The following RIMBP2 variants were observed in gnomAD, a reference collection of about 807,000 sequenced individuals.
The protein encoded by RIMBP2 is RIMS binding protein 2, also known as RIMS-binding protein 2.
A neutral mutation model predicts 118.6 loss-of-function variants in RIMBP2; 48 were observed. The ratio of observed to expected loss-of-function variants is 0.40; its 90% CI spans 0.32 to 0.51. The LOEUF (loss-of-function observed/expected upper bound fraction) is 0.51, where lower values mean the gene tolerates loss of function less well. Ranked by LOEUF, RIMBP2 falls within the 20% of genes least tolerant of loss-of-function variation. The probability of loss-of-function intolerance (pLI) is 0.41; values close to 1 mark genes in which losing one functional copy is unlikely to be tolerated. For missense variants in RIMBP2, 1,551 were observed against 1,768.3 expected (o/e 0.88, Z 2.20); for synonymous variants, 762 against 742.9 (o/e 1.03, Z -0.42).
chr12:130,693,708 G>A (rs892977398), intron 1 of RIMBP2, among the ~76,000 whole-genome samples: 1 of 152,226 alleles, frequency 6.6e-6, no homozygotes, highest in African/African-American at 2.4e-5. Flanking sequence ...AGATTCTGGT[G>A]CAGACTAGGG....
intron 4 of RIMBP2, among the ~76,000 whole-genome samples, chr12:130,503,786 C>T (rs771256726): frequency 6.6e-6 from 1 of 152,182 alleles, no homozygotes; most frequent in Non-Finnish European, 1.5e-5. Context: ...AACTCGGAGC[C>T]AAATGAGAAT....
intron 2 of RIMBP2, among the ~76,000 whole-genome samples, chr12:130,533,932 G>A (rs1210239489): frequency 2.0e-5 from 3 of 151,992 alleles, no homozygotes; most frequent in African/African-American, 7.3e-5. Context: ...TTGGGAGGCT[G>A]AGGCAGGCAG....
At position 130,450,640 on chromosome 12, in the gene RIMBP2, C is replaced by CA. The variant is rs1248413162; in HGVS notation, c.505-365_505-364insT. ...AATTAAGCAGTATGTGCACGACCCC[C>CA]CAGTGATCCCACTCTCACTCCCCCT... On this transcript the variant is annotated intron_variant, in intron 8 of 22. Coordinates refer to ENST00000690449, the MANE Select transcript of RIMBP2 (RefSeq NM_001393629.1). The surrounding 1 kb of genome is among the most constrained non-coding windows in gnomAD (Gnocchi z 4.8). Among the ~76,000 whole-genome samples, 2 of 151,574 alleles carry CA rather than the reference C, an allele frequency of 1.3e-5. No individual in the cohort carries two copies. Among genetic ancestry groups the CA allele is most frequent in the South Asian group, 4.2e-4 (2 of 4,782 alleles).
intron 1 of RIMBP2, among the ~76,000 whole-genome samples, chr12:130,667,006 G>GAA (rs2063949838): frequency 7.4e-6 from 1 of 134,880 alleles, no homozygotes; most frequent in African/African-American, 2.9e-5. Context: ...AGGGAAGGAG[G>GAA]GAGGGAGGGA....
intron 2 of RIMBP2, among the ~76,000 whole-genome samples, chr12:130,604,439 A>G (rs2060048112): frequency 6.7e-6 from 1 of 149,576 alleles, no homozygotes; most frequent in South Asian, 2.1e-4. Flanking sequence ...ACAGTCGTGC[A>G]GTGGAACATC....
At chr12:130,680,662 T>C (rs764846631) in intron 1 of RIMBP2, among the ~76,000 whole-genome samples, 1 of 152,104 alleles carries the variant, frequency 6.6e-6, no homozygotes, top group Non-Finnish European at 1.5e-5. Flanking sequence ...TCTGGGGGCA[T>C]TTCGGTTATT....
intron 3 of RIMBP2, among the ~76,000 whole-genome samples, chr12:130,513,420 G>A (rs1430305843): frequency 6.6e-6 from 1 of 152,174 alleles, no homozygotes; most frequent in African/African-American, 2.4e-5. Context: ...GGCACCAGGT[G>A]GAAGAGAAGC....
At chr12:130,409,054 A>G (rs1367373720) in intron 19 of RIMBP2, among the ~76,000 whole-genome samples, 3 of 152,208 alleles carry the variant, frequency 2.0e-5, no homozygotes, top group Non-Finnish European at 4.4e-5. Flanking sequence ...TTCATGTTAC[A>G]GGGAATGTTA....
At chr12:130,537,728 C>A (rs2054205501) in intron 2 of RIMBP2, among the ~76,000 whole-genome samples, 1 of 152,192 alleles carries the variant, frequency 6.6e-6, no homozygotes. Context: ...CTCGTCCTAT[C>A]ATAAATTCAT....
In RIMBP2 at chr12:130,396,258, A is replaced by C. The variant is rs1565970006; in HGVS notation, c.*1103T>G. The stretch of plus-strand genomic sequence containing the variant: ...TAATAAATCTACCACATACTATTAT[A>C]TTACAATTTATAATAGCGTTTTTGA... On this transcript the variant is annotated 3_prime_UTR_variant, in exon 23 of 23. Coordinates refer to ENST00000690449, the MANE Select transcript of RIMBP2 (RefSeq NM_001393629.1). 6.5e-6 allele frequency: 1 copy of C among 152,820 alleles called. No individual in the cohort carries two copies. Among genetic ancestry groups the C allele is most frequent in the East Asian group, 1.9e-4 (1 of 5,190 alleles). The allele number at this position is 152,820 out of a possible 1,614,324, so 9.5% of individuals were successfully genotyped here. A position where few individuals can be genotyped will look rare whatever the true frequency, so the allele number is the denominator to read the frequency against.
intron 2 of RIMBP2, among the ~76,000 whole-genome samples, chr12:130,524,554 G>A (rs185703067): frequency 3.3e-3 from 505 of 152,348 alleles, no homozygotes; most frequent in Admixed American, 5.1e-3. Context: ...GTTGGGTGGC[G>A]AGGACTTCAT....
At chr12:130,455,405 C>G (rs61044333) in intron 7 of RIMBP2, among the ~76,000 whole-genome samples, 1,985 of 152,350 alleles carry the variant, frequency 0.013, 34 homozygotes, top group African/African-American at 0.044. Context: ...GGTGCCCTGT[C>G]TGTCTCTCAG....
intron 1 of RIMBP2, among the ~76,000 whole-genome samples, chr12:130,676,379 C>T (rs1332247073): frequency 1.3e-5 from 2 of 149,868 alleles, no homozygotes; most frequent in Non-Finnish European, 3.0e-5. Flanking sequence ...AACACCAGCA[C>T]TTTCGGAGGC....
rs141355446 is a variant in RIMBP2 at position 130,596,141 on chromosome 12, G to A, written c.-217+32181C>T. On this transcript the variant is annotated intron_variant, in intron 2 of 22. Coordinates refer to ENST00000690449, the MANE Select transcript of RIMBP2 (RefSeq NM_001393629.1). ...TTGAATCCACTCACCCCGAATGTGCGCACGGTTCCAACTAATCAGCTGATT... is the reference window on the plus strand; with the variant it reads ...TTGAATCCACTCACCCCGAATGTGCACACGGTTCCAACTAATCAGCTGATT... Among the ~76,000 whole-genome samples, 80 of 152,226 alleles carry A rather than the reference G, an allele frequency of 5.3e-4. No homozygotes were observed. In the East Asian group the frequency reaches 7.0e-3, roughly 13 times the overall value.
At chr12:130,565,135 A>C (rs2139962138) in intron 2 of RIMBP2, among the ~76,000 whole-genome samples, 1 of 152,118 alleles carries the variant, frequency 6.6e-6, no homozygotes, top group Middle Eastern at 3.4e-3. Context: ...ATTTTTATTT[A>C]TTTTTTTGAG....
rs898809327 is a variant in RIMBP2, at chr12:130,578,657, A to C, written c.-217+49665T>G. Among the ~76,000 whole-genome samples the C allele has an allele frequency of 6.6e-6, 1 of 152,154 alleles. No homozygotes were observed. Among genetic ancestry groups the C allele is most frequent in the Non-Finnish European group, 1.5e-5 (1 of 68,022 alleles). The stretch of plus-strand genomic sequence containing the variant: ...GCTCATTCCTTGACATTCAGCTCTC[A>C]GCGCAAATGCCCCCTTCTCAGAGAC... On this transcript the variant is annotated intron_variant, in intron 2 of 22. Coordinates refer to ENST00000690449, the MANE Select transcript of RIMBP2 (RefSeq NM_001393629.1). The surrounding 1 kb of genome is among the most constrained non-coding windows in gnomAD (Gnocchi z 4.1).
intron 2 of RIMBP2, among the ~76,000 whole-genome samples, chr12:130,580,456 C>A (rs2058393930): frequency 6.6e-6 from 1 of 152,218 alleles, no homozygotes; most frequent in African/African-American, 2.4e-5. Context: ...CTCCCCTTCA[C>A]TTTCCACCAT....
In RIMBP2 at chr12:130,396,251, C is replaced by T. The variant is rs1408175766; in HGVS notation, c.*1110G>A. Reference sequence around the variant, plus strand: ...CCTTTAATAATAAATCTACCACATACTATTATATTACAATTTATAATAGCG... The same window carrying T: ...CCTTTAATAATAAATCTACCACATATTATTATATTACAATTTATAATAGCG... On this transcript the variant is annotated 3_prime_UTR_variant, in exon 23 of 23. Coordinates refer to ENST00000690449, the MANE Select transcript of RIMBP2 (RefSeq NM_001393629.1). 3 of 152,646 alleles carry T rather than the reference C, an allele frequency of 2.0e-5. No homozygotes were observed. Among genetic ancestry groups the T allele is most frequent in the African/African-American group, 7.2e-5 (3 of 41,450 alleles). 9.5% of individuals were successfully genotyped at this position (152,646 alleles called of 1,614,324 possible).
chr12:130,665,542 C>A (rs921427453), intron 1 of RIMBP2, among the ~76,000 whole-genome samples: 1 of 151,436 alleles, frequency 6.6e-6, no homozygotes, highest in African/African-American at 2.5e-5. Context: ...CGAGACCCTG[C>A]CTCAAAACAA....
Sources: gnomAD v4.1 joint callset for allele counts (sites outside exome capture counted in the v4.1 genomes callset) on GRCh38, gnomAD v4.1.1 for gene constraint, Gnocchi (gnomAD v3.1) non-coding constraint, MANE v1.5 for transcripts, NCBI Gene and HGNC (gene_info 2026-07-23, HGNC 2026-07-21) for gene names.